The following HUWE1 variants were observed in gnomAD, a reference collection of about 807,000 sequenced individuals.
HUWE1 encodes E3 ubiquitin-protein ligase HUWE1.
A neutral mutation model predicts 299.4 loss-of-function variants in HUWE1; 18 were observed. The observed-to-expected ratio is 0.06, with a 90% confidence interval of 0.04 to 0.09. The LOEUF (loss-of-function observed/expected upper bound fraction) is 0.09. Ranked by LOEUF, HUWE1 falls within the 10% of genes least tolerant of loss-of-function variation. The pLI is 1.00. For missense variants in HUWE1, 1,832 were observed against 3,462.3 expected (o/e 0.53, Z 11.82); for synonymous variants, 1,317 against 1,286.1 (o/e 1.02, Z -0.51).
intron 83 of HUWE1, 32 bp downstream of exon 83, chrX:53,533,975 A>C: frequency 8.5e-7 from 1 of 1,172,362 alleles, no homozygotes; most frequent in Non-Finnish European, 1.2e-6. Flanking sequence ...CAACCTAAGC[A>C]CTGAAAAGGA....
chrX:53,650,335 T>C (rs973100168), intron 4 of HUWE1, among the ~76,000 whole-genome samples: 7 of 112,058 alleles, frequency 6.2e-5, no homozygotes, highest in African/African-American at 1.9e-4. Flanking sequence ...TATCCCAATA[T>C]TTCCCAAACC....
intron 23 of HUWE1, among the ~76,000 whole-genome samples, chrX:53,611,326 C>T (rs2065455488): frequency 9.1e-6 from 1 of 110,299 alleles, no homozygotes; most frequent in Non-Finnish European, 1.9e-5. Context: ...TGAAAAGTAA[C>T]AAGTTGCTGA....
chrX:53,616,160 C>G (rs989574381), intron 21 of HUWE1, among the ~76,000 whole-genome samples: 19 of 110,279 alleles, frequency 1.7e-4, no homozygotes, highest in African/African-American at 6.3e-4. Context: ...ATCTGCCCAC[C>G]TTGGCCTCCC....
At chrX:53,604,958 G>T (rs2065073078) in intron 25 of HUWE1, 124 bp from the exon 26 acceptor site, 1 of 639,428 alleles carries the variant, frequency 1.6e-6, no homozygotes, top group Non-Finnish European at 2.4e-6. Context: ...TATGGCCATG[G>T]TCTCTCACCT....
At chrX:53,652,823 A>G (rs1165341346) in intron 4 of HUWE1, among the ~76,000 whole-genome samples, 1 of 112,820 alleles carries the variant, frequency 8.9e-6, no homozygotes, top group Admixed American at 9.4e-5. Flanking sequence ...CAAAAATTTA[A>G]AAGACAATCT....
intron 81 of HUWE1, among the ~76,000 whole-genome samples, chrX:53,535,142 C>T (rs781977111): frequency 8.1e-5 from 9 of 111,181 alleles, no homozygotes; most frequent in African/African-American, 1.3e-4. Context: ...ACCATGTTGG[C>T]CAGGCTGGTC....
At chrX:53,666,479 A>T (rs1223925075) in intron 3 of HUWE1, among the ~76,000 whole-genome samples, 7 of 111,658 alleles carry the variant, frequency 6.3e-5, no homozygotes, top group African/African-American at 2.3e-4. Context: ...AAGTCTCATA[A>T]ATTGAAGTTA....
chrX:53,616,051 T>C (rs2065781475), intron 21 of HUWE1, among the ~76,000 whole-genome samples: 1 of 110,454 alleles, frequency 9.1e-6, no homozygotes, highest in African/African-American at 3.3e-5. Context: ...TAGCTGGGAC[T>C]ACAGGTGTGC....
At chrX:53,583,457 T>G in intron 42 of HUWE1, 101 bp downstream of exon 42, 1 of 620,647 alleles carries the variant, frequency 1.6e-6, no homozygotes, top group Non-Finnish European at 2.8e-6. Context: ...CATATCTAGC[T>G]ATATACCCTA....
chrX:53,639,633 T>C (rs1471167841), intron 7 of HUWE1, among the ~76,000 whole-genome samples: 1 of 111,811 alleles, frequency 8.9e-6, no homozygotes, highest in Non-Finnish European at 1.9e-5. Context: ...AAGAATACAT[T>C]TGAGGTTATG....
chrX:53,561,698 C>G, intron 55 of HUWE1, 58 bp downstream of exon 55: 1 of 1,207,300 alleles, frequency 8.3e-7, no homozygotes, highest in Non-Finnish European at 1.1e-6. Context: ...CTTGGCTTAC[C>G]CTAGAGAAGG....
rs2060861343 is a variant in HUWE1 at position 53,533,583 on chromosome X, C to G, written c.13023-172G>C. The G allele has an allele frequency of 8.3e-6, 4 of 483,393 alleles. No individual in the cohort carries two copies. The Admixed American group carries it at 9.3e-5, about 11-fold the overall frequency. 39.8% of individuals were successfully genotyped at this position (483,393 alleles called of 1,213,427 possible). A position where few individuals can be genotyped will look rare whatever the true frequency, so the allele number is the denominator to read the frequency against. On this transcript the variant is annotated intron_variant, in intron 83 of 83. Coordinates refer to ENST00000262854, the MANE Select transcript of HUWE1 (RefSeq NM_031407.7). ...TGTCCCCCTTTATCTGGCTCCCAAA[C>G]TGGCCATCAGGCACCAAAACCAAAA... is the stretch of plus-strand genomic sequence containing the variant.
At chrX:53,614,499 T>C in intron 23 of HUWE1, 35 bp downstream of exon 23, 1 of 1,057,851 alleles carries the variant, frequency 9.5e-7, no homozygotes, top group Non-Finnish European at 1.3e-6. Flanking sequence ...TGCCCACGAT[T>C]ATATGGCTAG....
Position 53,576,999 on chromosome X carries a change from G to C in HUWE1, c.5785C>G (p.Pro1929Ala). The change falls in exon 44 of 84, where the codon CCT becomes GCT. Residue 1929 changes from proline to alanine, a missense_variant. Physicochemically the swap from Pro to Ala is conservative, Grantham distance 27. Coordinates refer to ENST00000262854, the MANE Select transcript of HUWE1 (RefSeq NM_031407.7). The stretch of plus-strand genomic sequence containing the variant: ...ACAGGCAGAGGTGAGGGCTTCAAAG[G>C]GGTGGTCTTCACCAGCTGTACAGCA... ...PNAVQLVKTT[P>A]LKPSPLPVIP... 3 of 1,205,827 alleles carry C rather than the reference G, an allele frequency of 2.5e-6. No individual in the cohort carries two copies. Among genetic ancestry groups the C allele is most frequent in the Non-Finnish European group, 3.4e-6 (3 of 890,329 alleles).
intron 52 of HUWE1, 38 bp from the exon 53 acceptor site, chrX:53,562,967 A>G (rs781999358): frequency 9.0e-7 from 1 of 1,105,822 alleles, no homozygotes; most frequent in Non-Finnish European, 1.2e-6. Context: ...TGAACAACAG[A>G]GGACTTCCCT....
At chrX:53,535,698 AAT>A (rs782129037) in intron 80 of HUWE1, among the ~76,000 whole-genome samples, 197 bp from the exon 81 acceptor site, 7 of 111,748 alleles carry the variant, frequency 6.3e-5, no homozygotes, top group African/African-American at 1.6e-4. Context: ...GAAAGAGGAA[AAT>A]ACTCTTTGGC....
At chrX:53,629,071 T>C (rs1043082851) in intron 13 of HUWE1, among the ~76,000 whole-genome samples, 169 bp from the exon 14 acceptor site, 10 of 111,485 alleles carry the variant, frequency 9.0e-5, no homozygotes, top group Non-Finnish European at 1.9e-4. Flanking sequence ...TTTGTTAGTT[T>C]TGCAGTTTAA....
At chrX:53,623,740 T>C (rs2066299981) in intron 19 of HUWE1, among the ~76,000 whole-genome samples, 1 of 112,356 alleles carries the variant, frequency 8.9e-6, no homozygotes, top group African/African-American at 3.2e-5. Context: ...AACAAGTATG[T>C]ACTAATAAGT....
intron 47 of HUWE1, among the ~76,000 whole-genome samples, 155 bp from the exon 48 acceptor site, chrX:53,569,982 G>T (rs782628569): frequency 8.9e-6 from 1 of 112,674 alleles, no homozygotes; most frequent in Non-Finnish European, 1.9e-5. Context: ...AAGGCTCAAA[G>T]ATACAAGCAA....
Sources: allele counts gnomAD v4.1 joint callset (sites outside exome capture counted in the v4.1 genomes callset), GRCh38; gene constraint gnomAD v4.1.1; transcripts MANE v1.5; gene names NCBI Gene and HGNC (gene_info 2026-07-23, HGNC 2026-07-21).